RUVBL2: variants seen among roughly 807,000 people sequenced by gnomAD.
RUVBL2 encodes ruvB-like 2.
A neutral mutation model predicts 57.9 loss-of-function variants in RUVBL2; 9 were observed. That is an observed-to-expected ratio of 0.16 (90% CI 0.09 to 0.27). The LOEUF (loss-of-function observed/expected upper bound fraction) is 0.27, where lower values mean the gene tolerates loss of function less well. Among genes scored for constraint, RUVBL2 ranks in the 10% least tolerant of loss-of-function variants. RUVBL2 has a pLI of 1.00. For synonymous variants in RUVBL2, 278 were observed against 264.6 expected, an observed-to-expected ratio of 1.05 and a Z score of -0.49; for missense variants, 456 against 669.6, an observed-to-expected ratio of 0.68 and a Z score of 3.52.
At chr19:49,015,538 G>C (rs1568645000) in intron 13 of RUVBL2, 34 bp from the exon 14 acceptor site, 1 of 1,508,866 alleles carries the variant, frequency 6.6e-7, no homozygotes, top group South Asian at 1.1e-5. Context: ...CTCACGGAGA[G>C]GGGCCCAACT....
intron 5 of RUVBL2, 46 bp downstream of exon 5, chr19:49,007,193 G>A (rs1020573736): frequency 6.2e-7 from 1 of 1,611,226 alleles, no homozygotes; most frequent in Non-Finnish European, 8.5e-7. Flanking sequence ...GAGCCTGGGA[G>A]CAACCCCGCA....
At chr19:48,999,199 T>C (rs1241238101) in intron 1 of RUVBL2, 120 bp from the exon 2 acceptor site, 7 of 1,063,826 alleles carry the variant, frequency 6.6e-6, no homozygotes, top group Non-Finnish European at 1.0e-5. Context: ...CTGGTGCCTG[T>C]CCCATCGCCT....
In RUVBL2 at chr19:48,995,249, A is replaced by G. The variant is rs538976869; in HGVS notation, c.12+1326A>G. Among the ~76,000 whole-genome samples, 7 of 151,792 alleles carry G rather than the reference A, an allele frequency of 4.6e-5. No individual in the cohort carries two copies. The East Asian group carries it at 1.4e-3, about 29-fold the overall frequency. Reference sequence around the variant, plus strand: ...TTTGGAGAGACTTATGATGAAAGAGAAAGTCTTTATAGGAGACAGTCCTTG... The same window carrying G: ...TTTGGAGAGACTTATGATGAAAGAGGAAGTCTTTATAGGAGACAGTCCTTG... On this transcript the variant is annotated intron_variant, in intron 1 of 14. Coordinates refer to ENST00000595090, the MANE Select transcript of RUVBL2 (RefSeq NM_006666.3).
At chr19:49,000,757 A>G (rs1195638913) in intron 2 of RUVBL2, among the ~76,000 whole-genome samples, 1 of 151,364 alleles carries the variant, frequency 6.6e-6, no homozygotes, top group Non-Finnish European at 1.5e-5. Flanking sequence ...CCCAGCTACT[A>G]GGGAGGATGG....
chr19:49,004,806 A>G lies in RUVBL2; in HGVS notation c.265+388A>G, dbSNP rs1051925803. On this transcript the variant is annotated intron_variant, in intron 4 of 14. Transcript: ENST00000595090. Reference sequence around the variant, plus strand: ...TTGGAAATCCTCCATGCTTCTGCTTATATCTCATTATCTCATTGACTAGAA... The same window carrying G: ...TTGGAAATCCTCCATGCTTCTGCTTGTATCTCATTATCTCATTGACTAGAA... Among the ~76,000 whole-genome samples, 14 of 152,230 alleles carry G rather than the reference A, an allele frequency of 9.2e-5. No individual in the cohort carries two copies. The South Asian group carries it at 2.9e-3, about 32-fold the overall frequency.
At position 49,007,111 on chromosome 19, in the gene RUVBL2, C is replaced by T. The variant is rs1205729144; in HGVS notation, c.359C>T (p.Thr120Met). Residue 120 changes from threonine to methionine, a missense_variant, in exon 5 of 15, where the codon ACG becomes ATG. Thr to Met is a moderately conservative substitution (Grantham distance 81). This residue lies in a region of RUVBL2 where 233 missense variants were observed against 306.0 expected (regional missense o/e 0.76). Transcript: ENST00000595090. ...SLEMSKTEAL[T>M]QAFRRSIGVR... ...GAGATGAGCAAGACCGAGGCGCTGA[C>T]GCAGGCCTTCCGGCGGTCCATCGGC... The T allele has an allele frequency of 4.9e-5, 79 of 1,613,158 alleles. No homozygotes were observed. Among genetic ancestry groups the T allele is most frequent in the Non-Finnish European group, 6.4e-5 (75 of 1,180,050 alleles).
chr19:48,998,300 G>A (rs1254391682), intron 1 of RUVBL2, among the ~76,000 whole-genome samples: 1 of 152,180 alleles, frequency 6.6e-6, no homozygotes, highest in African/African-American at 2.4e-5. Flanking sequence ...GGGCCGCCTG[G>A]TACAAGGGAT....
chr19:49,012,859 A>ACACATACACACG (rs2039458411), intron 11 of RUVBL2, among the ~76,000 whole-genome samples: 3 of 147,496 alleles, frequency 2.0e-5, no homozygotes, highest in African/African-American at 7.9e-5. Flanking sequence ...ACACACACAC[A>ACACATACACACG]CACACACACA....
chr19:49,001,023 G>T (rs2039168310), intron 2 of RUVBL2, among the ~76,000 whole-genome samples: 1 of 151,840 alleles, frequency 6.6e-6, no homozygotes, highest in Non-Finnish European at 1.5e-5. Flanking sequence ...GCCGGCAGTG[G>T]TGGTCCATGC....
Position 49,010,483 on chromosome 19 carries a change from C to CCACA in RUVBL2, c.664-5_664-4insCACA. On this transcript the variant is annotated splice_polypyrimidine_tract_variant and splice_region_variant and intron_variant, in intron 8 of 14. Transcript: ENST00000595090. ...CGCCGTTCTTCCCCCACCCCCGCCC[C>CCACA]ATAGACCAAGTTCGTGCAGTGCCCA... 6.3e-7 allele frequency: 1 copy of CCACA among 1,575,988 alleles called. No individual in the cohort carries two copies. Among genetic ancestry groups the CCACA allele is most frequent in the Non-Finnish European group, 8.7e-7 (1 of 1,148,118 alleles).
At chr19:49,010,659 C>G in intron 9 of RUVBL2, 48 bp downstream of exon 9, 1 of 1,607,184 alleles carries the variant, frequency 6.2e-7, no homozygotes. Flanking sequence ...CCAGGCCTAG[C>G]AGCCTCCCTC....
upstream of RUVBL2, chr19:48,993,484 G>A (rs970153522): frequency 1.6e-5 from 7 of 427,922 alleles, no homozygotes; most frequent in East Asian, 4.9e-5. Context: ...GACCTCCAGG[G>A]GGCGGAGCTT....
At chr19:48,993,519 T>C (rs549575273), upstream of RUVBL2, 5 of 434,902 alleles carry the variant, frequency 1.1e-5, no homozygotes, top group South Asian at 4.4e-5. Flanking sequence ...CGGAAACGAG[T>C]GGCCTTCAGC....
At chr19:49,010,285 C>T (rs999692158) in intron 8 of RUVBL2, 25 of 679,364 alleles carry the variant, frequency 3.7e-5, no homozygotes, top group African/African-American at 1.1e-4. Context: ...TAAGGTCCTC[C>T]GGGAGCCCCC....
chr19:49,009,722 G>T, intron 6 of RUVBL2, 54 bp from the exon 7 acceptor site: 2 of 1,493,842 alleles, frequency 1.3e-6, no homozygotes, highest in South Asian at 1.1e-5. Context: ...GGGGGCACTG[G>T]GGCAACATCA....
In RUVBL2 at chr19:49,009,853, G is replaced by T; in HGVS notation, c.540G>T (p.Glu180Asp). Reference sequence around the variant, plus strand: ...ACGACCTGGGCACCAAGATGATTGAGTCCCTGACCAAGGACAAGGTCCAGG... The same window carrying T: ...ACGACCTGGGCACCAAGATGATTGATTCCCTGACCAAGGACAAGGTCCAGG... ...TIYDLGTKMI[E>D]SLTKDKVQAG... The change falls in exon 7 of 15, where the codon GAG (glutamate) becomes GAT (aspartate). Residue 180 changes from glutamate (E) to aspartate (D), a missense_variant. Physicochemically the swap from Glu to Asp is conservative, Grantham distance 45. Coordinates refer to ENST00000595090, the MANE Select transcript of RUVBL2 (RefSeq NM_006666.3). 1 of 1,614,088 alleles carries T rather than the reference G, an allele frequency of 6.2e-7. No individual in the cohort carries two copies. The highest frequency in any genetic ancestry group is 8.5e-7 in the Non-Finnish European group (1 of 1,180,006).
chr19:48,993,530 TC>T, upstream of RUVBL2: 1 of 442,452 alleles, frequency 2.3e-6, no homozygotes, highest in Non-Finnish European at 4.2e-6. Context: ...GGCCTTCAGC[TC>T]TGTCAATCTG....
intron 1 of RUVBL2, 30 bp downstream of exon 1, chr19:48,993,953 C>A (rs771598324): frequency 6.2e-7 from 1 of 1,613,328 alleles, no homozygotes; most frequent in South Asian, 1.1e-5. Context: ...GGGTGAGGAG[C>A]GAGCTAGCAG....
chr19:48,995,404 T>C (rs1031370652), intron 1 of RUVBL2, among the ~76,000 whole-genome samples: 17 of 150,662 alleles, frequency 1.1e-4, no homozygotes, highest in African/African-American at 4.2e-4. Context: ...GGGTTCCAGC[T>C]TCCTATAGGA....
Sources: allele counts gnomAD v4.1 joint callset (sites outside exome capture counted in the v4.1 genomes callset), GRCh38; gene constraint gnomAD v4.1.1; regional missense constraint gnomAD v4.1.1; transcripts MANE v1.5; gene names NCBI Gene and HGNC (gene_info 2026-07-23, HGNC 2026-07-21).